The following PTPN14 variants were observed in gnomAD, a reference collection of about 807,000 sequenced individuals.
PTPN14 encodes the protein protein tyrosine phosphatase non-receptor type 14.
In PTPN14, 53 loss-of-function variants were observed where a neutral mutation model predicts 126.8. That is an observed-to-expected ratio of 0.42 (90% confidence interval 0.34 to 0.53). The LOEUF is 0.53. Among genes scored for constraint, PTPN14 ranks in the 20% least tolerant of loss-of-function variants. The pLI, the probability that PTPN14 is intolerant of heterozygous loss-of-function variation, is 0.08. For missense variants in PTPN14, 1,257 were observed against 1,552.9 expected, an observed-to-expected ratio of 0.81 and a Z score of 3.20; for synonymous variants, 630 against 599.3, an observed-to-expected ratio of 1.05 and a Z score of -0.75.
intron 3 of PTPN14, among the ~76,000 whole-genome samples, chr1:214,427,622 T>C (rs1298295375): frequency 6.6e-6 from 1 of 152,130 alleles, no homozygotes; most frequent in East Asian, 1.9e-4. Flanking sequence ...CATTCTCTGC[T>C]CTTGCTCATG....
chr1:214,365,691 C>T (rs1384825508), intron 17 of PTPN14, among the ~76,000 whole-genome samples: 1 of 152,110 alleles, frequency 6.6e-6, no homozygotes, highest in East Asian at 1.9e-4. Context: ...TATAAATAAT[C>T]CATACTTTCC....
chr1:214,375,711 T>C (rs1658327941), intron 15 of PTPN14, among the ~76,000 whole-genome samples: 1 of 152,196 alleles, frequency 6.6e-6, no homozygotes, highest in Non-Finnish European at 1.5e-5. Flanking sequence ...TAACCACACT[T>C]TTATAGTGTA....
rs372189296 is a variant in PTPN14, at chr1:214,373,834, C to T, written c.2908-995G>A. On this transcript the variant is annotated intron_variant, in intron 15 of 18. Transcript: ENST00000366956. ...GGTGCCATGCACGGCAGAGATGCTA[C>T]GAATGCTCTTGTCAACAGCATATAT... is the stretch of plus-strand genomic sequence containing the variant. Among the ~76,000 whole-genome samples, 275 of 152,252 alleles carry T rather than the reference C, an allele frequency of 1.8e-3. 12 individuals carry two copies. The South Asian group carries it at 0.05, about 28-fold the overall frequency.
intron 1 of PTPN14, among the ~76,000 whole-genome samples, chr1:214,494,613 C>G (rs13373808): frequency 0.037 from 5,682 of 152,216 alleles, 317 homozygotes; most frequent in African/African-American, 0.13. Flanking sequence ...TAACATTAAG[C>G]TCTTTTTTTG....
At chr1:214,531,406 T>A (rs1338812402) in intron 1 of PTPN14, 1 of 151,836 alleles carries the variant, frequency 6.6e-6, no homozygotes, top group Non-Finnish European at 1.5e-5. Flanking sequence ...TTTTTGACGT[T>A]TCTCCGCCAA....
chr1:214,508,244 C>A (rs1654890840), intron 1 of PTPN14, among the ~76,000 whole-genome samples: 1 of 152,142 alleles, frequency 6.6e-6, no homozygotes, highest in African/African-American at 2.4e-5. Flanking sequence ...AGCATTTTAC[C>A]CACAGTAGAG....
At chr1:214,512,287 A>T (rs528690158) in intron 1 of PTPN14, among the ~76,000 whole-genome samples, 18 of 152,248 alleles carry the variant, frequency 1.2e-4, no homozygotes, top group Admixed American at 3.3e-4. Flanking sequence ...CCTAAGGAAA[A>T]CAAAATAAGG....
At chr1:214,436,039 T>C (rs1659906115) in intron 3 of PTPN14, among the ~76,000 whole-genome samples, 1 of 152,156 alleles carries the variant, frequency 6.6e-6, no homozygotes, top group Admixed American at 6.5e-5. Flanking sequence ...ATGTTACATA[T>C]ACACCATGGA....
At chr1:214,448,765 G>A (rs558384425) in intron 3 of PTPN14, among the ~76,000 whole-genome samples, 19 of 152,238 alleles carry the variant, frequency 1.2e-4, no homozygotes, top group African/African-American at 4.6e-4. Context: ...CCTGGTCCAC[G>A]TGACAACATT....
chr1:214,418,073 T>C (rs1659464817), intron 3 of PTPN14, among the ~76,000 whole-genome samples: 1 of 152,138 alleles, frequency 6.6e-6, no homozygotes, highest in South Asian at 2.1e-4. Context: ...GGGACTAGCT[T>C]TGGGGCCAGT....
At chr1:214,492,959 G>GGTATGAGA (rs1158477467) in intron 1 of PTPN14, among the ~76,000 whole-genome samples, 1 of 152,014 alleles carries the variant, frequency 6.6e-6, no homozygotes, top group Non-Finnish European at 1.5e-5. Flanking sequence ...AGGGTATGAG[G>GGTATGAGA]GTATGAGAAA....
At chr1:214,533,185 C>G in intron 1 of PTPN14, 1 of 733,658 alleles carries the variant, frequency 1.4e-6, no homozygotes, top group South Asian at 1.5e-5. Context: ...GCAGATGGAG[C>G]AGCTCAACGA....
chr1:214,492,289 T>G (rs1160511300), intron 1 of PTPN14, among the ~76,000 whole-genome samples: 3 of 149,378 alleles, frequency 2.0e-5, no homozygotes, highest in Non-Finnish European at 4.4e-5. Flanking sequence ...TCCACAACCA[T>G]GTAGCTATCA....
chr1:214,404,450 G>C (rs900184127), intron 5 of PTPN14, among the ~76,000 whole-genome samples: 1 of 152,208 alleles, frequency 6.6e-6, no homozygotes, highest in Admixed American at 6.5e-5. Flanking sequence ...GGCTTAGAAA[G>C]TTAGCTATGT....
chr1:214,424,292 T>TAA (rs1214991022), intron 3 of PTPN14, among the ~76,000 whole-genome samples: 3 of 141,068 alleles, frequency 2.1e-5, no homozygotes, highest in Non-Finnish European at 3.1e-5. Context: ...GAGACTCTAT[T>TAA]AAAAAAAAAA....
chr1:214,482,581 A>AAAG (rs1661017031), intron 1 of PTPN14, among the ~76,000 whole-genome samples: 1 of 16,652 alleles, frequency 6.0e-5, no homozygotes, highest in African/African-American at 1.3e-4. Context: ...TTAGAAAAGA[A>AAAG]AAAAAAAAAA....
chr1:214,379,092 C>A (rs989341653), intron 13 of PTPN14, among the ~76,000 whole-genome samples: 5 of 152,134 alleles, frequency 3.3e-5, no homozygotes, highest in African/African-American at 1.2e-4. Context: ...AAGGGCCTTT[C>A]CTAAAATTAA....
chr1:214,372,717 T>G lies in PTPN14; in HGVS notation c.3030A>C (p.Ala1010=). ...QGVNVIAMVT[A]EEEGGRTKSH... ...AGTAGGCCATTCCCCTTACCTCCTC[T>G]GCAGTGACCATGGCAATCACATTCA... Residue 1010 remains alanine (A), a synonymous_variant, in exon 16 of 19, where the codon GCA becomes GCC. Transcript: ENST00000366956. 2 of 1,614,172 alleles carry G rather than the reference T, an allele frequency of 1.2e-6. No individual in the cohort carries two copies. The highest frequency in any genetic ancestry group is 2.2e-5 in the South Asian group (2 of 91,086).
intron 1 of PTPN14, among the ~76,000 whole-genome samples, chr1:214,513,254 T>C (rs987548881): frequency 6.6e-6 from 1 of 152,222 alleles, no homozygotes; most frequent in African/African-American, 2.4e-5. Flanking sequence ...TCAACAAGCA[T>C]GTACTTAGTA....
Sources: allele counts gnomAD v4.1 joint callset (sites outside exome capture counted in the v4.1 genomes callset), GRCh38; gene constraint gnomAD v4.1.1; transcripts MANE v1.5; gene names NCBI Gene and HGNC (gene_info 2026-07-23, HGNC 2026-07-21).